Variants in TMEM67 observed in about 807,000 individuals in gnomAD.
The protein encoded by TMEM67 is meckelin.
In TMEM67, 124 loss-of-function variants were observed where a neutral mutation model predicts 136.6. The observed-to-expected ratio is 0.91, with a 90% confidence interval of 0.78 to 1.05. TMEM67 has a LOEUF of 1.05. TMEM67 is among the 50% of genes least tolerant of loss of function. The pLI, the probability that TMEM67 is intolerant of heterozygous loss-of-function variation, is 0.00. For missense variants in TMEM67, 1,107 were observed against 1,178.4 expected, an observed-to-expected ratio of 0.94 and a Z score of 0.89; for synonymous variants, 364 against 390.5, an observed-to-expected ratio of 0.93 and a Z score of 0.80.
chr8:93,761,323 A>C (rs1003983582), intron 3 of TMEM67, among the ~76,000 whole-genome samples: 1 of 152,238 alleles, frequency 6.6e-6, no homozygotes, highest in Non-Finnish European at 1.5e-5. Flanking sequence ...AACTTTTTCA[A>C]CTTTGACAAT....
At position 93,809,297 on chromosome 8, in the gene TMEM67, T is replaced by G. The variant is rs551012080; in HGVS notation, c.2661+136T>G. The stretch of plus-strand genomic sequence containing the variant: ...CCCACCTTAAGACCTTCCCTTTTTT[T>G]GTCTGTCACATTCAATACTTAGGAA... On this transcript the variant is annotated intron_variant, in intron 25 of 27. Transcript: ENST00000453321. 17 of 680,854 alleles carry G rather than the reference T, an allele frequency of 2.5e-5. No individual in the cohort carries two copies. In the East Asian group the frequency reaches 4.3e-4, roughly 17 times the overall value. The allele number at this position is 680,854 out of a possible 1,614,324, so 42.2% of individuals were successfully genotyped here.
At chr8:93,823,622 A>C (rs1456483345), downstream of TMEM67, among the ~76,000 whole-genome samples, 1 of 152,162 alleles carries the variant, frequency 6.6e-6, no homozygotes, top group Non-Finnish European at 1.5e-5. Flanking sequence ...GAAATTTTCC[A>C]GATAGAAGGA....
chr8:93,826,210 A>G, the TMEM67 span, among the ~76,000 whole-genome samples: 1 of 137,874 alleles, frequency 7.3e-6, no homozygotes, highest in African/African-American at 2.7e-5. Flanking sequence ...GCTCATTGCA[A>G]GCTCCGCCTC....
intron 21 of TMEM67, 69 bp from the exon 22 acceptor site, chr8:93,803,535 A>G (rs1814958702): frequency 9.8e-7 from 1 of 1,018,186 alleles, no homozygotes; most frequent in Non-Finnish European, 1.6e-6. Flanking sequence ...TTAAGATGCT[A>G]CACTGTGGCT....
chr8:93,809,815 G>A lies in TMEM67; in HGVS notation c.2692G>A (p.Asp898Asn). The A allele has an allele frequency of 1.9e-6, 3 of 1,603,648 alleles. No individual in the cohort carries two copies. Among genetic ancestry groups the A allele is most frequent in the Non-Finnish European group, 2.6e-6 (3 of 1,171,570 alleles). ...TAAGGAAATGGATTACTTTATAAAA[G>A]ATAAGTTGCTTCTTGAAAGAATTCT... is the stretch of plus-strand genomic sequence containing the variant. The part of the protein sequence containing the change: ...VHKEMDYFIK[D>N]KLLLERILGM... Residue 898 changes from aspartate (D) to asparagine (N), a missense_variant, in exon 26 of 28, where the codon GAT (aspartate) becomes AAT (asparagine). Transcript: ENST00000453321.
At chr8:93,780,513 A>G (rs1813767995) in intron 7 of TMEM67, 80 bp from the exon 8 acceptor site, 1 of 1,573,498 alleles carries the variant, frequency 6.4e-7, no homozygotes, top group South Asian at 1.1e-5. Context: ...ACAGACCTGC[A>G]CAAAGTAAAA....
intron 7 of TMEM67, among the ~76,000 whole-genome samples, chr8:93,777,294 A>G (rs1813593727): frequency 6.6e-6 from 1 of 152,072 alleles, no homozygotes; most frequent in South Asian, 2.1e-4. Flanking sequence ...GATCCTTTCA[A>G]AAAACCAGCT....
intron 27 of TMEM67, 34 bp downstream of exon 27, chr8:93,815,481 A>G (rs1808872390): frequency 1.9e-6 from 3 of 1,566,326 alleles, no homozygotes; most frequent in African/African-American, 2.7e-5. Flanking sequence ...ATTTTCCTTC[A>G]TTTTCTTGAG....
chr8:93,827,404 CAG>C, the TMEM67 span, among the ~76,000 whole-genome samples: 2 of 151,902 alleles, frequency 1.3e-5, no homozygotes, highest in Non-Finnish European at 2.9e-5. Flanking sequence ...AAAAAAGACA[CAG>C]AGTCTCATTC....
intron 20 of TMEM67, among the ~76,000 whole-genome samples, chr8:93,798,368 C>A (rs920907576): frequency 2.6e-5 from 4 of 152,210 alleles, no homozygotes; most frequent in African/African-American, 9.6e-5. Context: ...TTCTCCCCTG[C>A]ATTAGAATCA....
chr8:93,828,225 A>C, the TMEM67 span, among the ~76,000 whole-genome samples: 2 of 152,142 alleles, frequency 1.3e-5, no homozygotes, highest in African/African-American at 4.8e-5. Context: ...GTATGAACTT[A>C]TTTCACTTGA....
downstream of TMEM67, among the ~76,000 whole-genome samples, chr8:93,821,475 T>G (rs1809040068): frequency 6.6e-6 from 1 of 151,822 alleles, no homozygotes; most frequent in South Asian, 2.1e-4. Context: ...AGAGACAGAG[T>G]CTCATTATGT....
intron 4 of TMEM67, among the ~76,000 whole-genome samples, chr8:93,764,808 C>T (rs533693259): frequency 2.0e-5 from 3 of 152,286 alleles, no homozygotes; most frequent in African/African-American, 7.2e-5. Context: ...AGCCCGACTC[C>T]TACCTGCTCT....
chr8:93,821,198 C>T (rs573941057), downstream of TMEM67, among the ~76,000 whole-genome samples: 1 of 152,088 alleles, frequency 6.6e-6, no homozygotes, highest in Non-Finnish European at 1.5e-5. Flanking sequence ...CAGGTAGATG[C>T]TAAATTTAAA....
At chr8:93,756,666 T>G (rs189774107) in intron 2 of TMEM67, 1 of 152,350 alleles carries the variant, frequency 6.6e-6, no homozygotes, top group African/African-American at 2.4e-5. Context: ...TTATTTTATA[T>G]CTTTGCAAAT....
chr8:93,811,740 T>C (rs577671699), intron 26 of TMEM67, among the ~76,000 whole-genome samples: 1 of 152,178 alleles, frequency 6.6e-6, no homozygotes, highest in African/African-American at 2.4e-5. Context: ...CTTATTCTGA[T>C]AGAGATGCAT....
At position 93,797,004 on chromosome 8, in the gene TMEM67, T is replaced by C. The variant is rs528910356; in HGVS notation, c.1861-130T>C. 8.8e-6 allele frequency: 6 copies of C among 684,090 alleles called. No homozygotes were observed. The East Asian group carries it at 1.4e-4, about 16-fold the overall frequency. The allele number at this position is 684,090 out of a possible 1,614,324, so 42.4% of individuals were successfully genotyped here. ...ATGATTCCTTAGTGGTATTATAACT[T>C]CATGTGAATTCACTCATAAAATTAT... On this transcript the variant is annotated intron_variant, in intron 18 of 27. Transcript: ENST00000453321.
intron 26 of TMEM67, among the ~76,000 whole-genome samples, chr8:93,814,586 C>T (rs555222016): frequency 6.6e-6 from 1 of 151,902 alleles, no homozygotes; most frequent in South Asian, 2.1e-4. Flanking sequence ...CCCATCTCAG[C>T]TTCCCAAATA....
intron 19 of TMEM67, 32 bp from the exon 20 acceptor site, chr8:93,797,299 A>T (rs1814664992): frequency 6.2e-7 from 1 of 1,614,098 alleles, no homozygotes; most frequent in African/African-American, 1.3e-5. Flanking sequence ...AAGGAGGTAA[A>T]ACTCTTTTAC....
Sources: gnomAD v4.1 joint callset for allele counts (sites outside exome capture counted in the v4.1 genomes callset) on GRCh38, gnomAD v4.1.1 for gene constraint, MANE v1.5 for transcripts, NCBI Gene and HGNC (gene_info 2026-07-23, HGNC 2026-07-21) for gene names.